WT1: variants seen among roughly 807,000 people sequenced by gnomAD.
WT1 encodes the protein WT1 transcription factor.
In WT1, 8 loss-of-function variants were observed where a neutral mutation model predicts 60.8. That is an observed-to-expected ratio of 0.13 (90% CI 0.08 to 0.24). The LOEUF is 0.24. Among genes scored for constraint, WT1 ranks in the 10% least tolerant of loss-of-function variants. The pLI is 1.00. For synonymous variants in WT1, 312 were observed against 297.1 expected, an observed-to-expected ratio of 1.05 and a Z score of -0.52; for missense variants, 568 against 711.8, an observed-to-expected ratio of 0.80 and a Z score of 2.30.
intron 3 of WT1, among the ~76,000 whole-genome samples, chr11:32,423,934 G>T (rs764528157): frequency 6.6e-6 from 1 of 152,120 alleles, no homozygotes; most frequent in Non-Finnish European, 1.5e-5. Context: ...AGGCCCAGGC[G>T]GGTGGATCAC....
chr11:32,410,785 G>A (rs1462860339), intron 5 of WT1, among the ~76,000 whole-genome samples: 1 of 152,146 alleles, frequency 6.6e-6, no homozygotes, highest in African/African-American at 2.4e-5. Context: ...AATAAAGCTA[G>A]AATAAATAAA....
At chr11:32,396,082 T>C (rs1851960341) in intron 7 of WT1, among the ~76,000 whole-genome samples, 175 bp downstream of exon 7, 1 of 152,204 alleles carries the variant, frequency 6.6e-6, no homozygotes, top group Non-Finnish European at 1.5e-5. Flanking sequence ...TAATAAAGGA[T>C]AGATAATCAG....
At chr11:32,391,215 G>C (rs1348111290) in intron 9 of WT1, among the ~76,000 whole-genome samples, 1 of 149,476 alleles carries the variant, frequency 6.7e-6, no homozygotes, top group Non-Finnish European at 1.5e-5. Context: ...GAACTCCTGG[G>C]CTCAAGTGAT....
chr11:32,431,732 T>A (rs986564566), intron 1 of WT1, among the ~76,000 whole-genome samples: 2 of 151,828 alleles, frequency 1.3e-5, no homozygotes, highest in African/African-American at 4.8e-5. Flanking sequence ...TTTTTTCCCC[T>A]CCTCCTTAAG....
intron 5 of WT1, among the ~76,000 whole-genome samples, chr11:32,404,183 T>A (rs1272748727): frequency 1.4e-5 from 2 of 145,728 alleles, no homozygotes; most frequent in African/African-American, 5.2e-5. Flanking sequence ...GGCAGGAGAA[T>A]CGCTTGAACC....
chr11:32,405,223 G>A (rs1852272281), intron 5 of WT1, among the ~76,000 whole-genome samples: 1 of 152,130 alleles, frequency 6.6e-6, no homozygotes, highest in East Asian at 1.9e-4. Flanking sequence ...AGGCAGCCAC[G>A]ACTCAGCTCT....
intron 1 of WT1, 31 bp from the exon 2 acceptor site, chr11:32,428,650 C>T: frequency 1.2e-6 from 2 of 1,606,888 alleles, no homozygotes; most frequent in African/African-American, 2.7e-5. Flanking sequence ...AGCACAGTGT[C>T]AGCGGTGCTC....
intron 1 of WT1, among the ~76,000 whole-genome samples, chr11:32,431,014 G>A (rs1853289748): frequency 6.6e-6 from 1 of 152,104 alleles, no homozygotes; most frequent in African/African-American, 2.4e-5. Context: ...AGAATCGAGT[G>A]GCCAAGGTAG....
chr11:32,421,160 C>T (rs964051902), intron 3 of WT1, among the ~76,000 whole-genome samples: 4 of 152,134 alleles, frequency 2.6e-5, no homozygotes, highest in African/African-American at 7.2e-5. Flanking sequence ...AATACTGGGC[C>T]GAAGCATGCT....
chr11:32,389,961 G>GCA (rs141716818), intron 9 of WT1, among the ~76,000 whole-genome samples: 5 of 152,120 alleles, frequency 3.3e-5, no homozygotes, highest in African/African-American at 4.8e-5. Context: ...CTTCACACAC[G>GCA]CACACACACA....
intron 5 of WT1, among the ~76,000 whole-genome samples, chr11:32,402,299 G>A (rs1852181793): frequency 6.6e-6 from 1 of 152,212 alleles, no homozygotes; most frequent in African/African-American, 2.4e-5. Context: ...CAAACCCAAA[G>A]AACATATGCC....
At chr11:32,391,174 A>G (rs1200530685) in intron 9 of WT1, among the ~76,000 whole-genome samples, 1 of 152,058 alleles carries the variant, frequency 6.6e-6, no homozygotes, top group Non-Finnish European at 1.5e-5. Context: ...TTGTAGAGAC[A>G]GGGTTTTGCC....
chr11:32,430,596 C>A, intron 1 of WT1: 1 of 1,594,274 alleles, frequency 6.3e-7, no homozygotes, highest in Non-Finnish European at 8.6e-7. Context: ...CAGAGCCCTG[C>A]TCCGCAACTG....
At chr11:32,415,193 G>GA (rs1386122242) in intron 5 of WT1, among the ~76,000 whole-genome samples, 1 of 152,164 alleles carries the variant, frequency 6.6e-6, no homozygotes, top group Non-Finnish European at 1.5e-5. Flanking sequence ...AGAAGTTTTT[G>GA]AAACTGAAAT....
At position 32,429,461 on chromosome 11, in the gene WT1, TTC is replaced by T. The variant is rs1491297184; in HGVS notation, c.662-844_662-843del. On this transcript the variant is annotated intron_variant, in intron 1 of 9. Transcript: ENST00000452863. Reference sequence around the variant, plus strand: ...GTTTCCCCCTAGGGAAATCCTAGCATTCCCCCCCCCCCCCAAAGTGAGAAAAA... The same window carrying T: ...GTTTCCCCCTAGGGAAATCCTAGCATCCCCCCCCCCCCAAAGTGAGAAAAA... Among the ~76,000 whole-genome samples the T allele has an allele frequency of 7.4e-5, 6 of 80,658 alleles. No homozygotes were observed. In the South Asian group the frequency reaches 3.1e-3, roughly 42 times the overall value. 52.9% of individuals were successfully genotyped at this position (80,658 alleles called of 152,430 possible).
chr11:32,417,022 C>CT (rs5030205), intron 4 of WT1, among the ~76,000 whole-genome samples: 23 of 151,976 alleles, frequency 1.5e-4, no homozygotes, highest in Admixed American at 9.8e-4. Context: ...CACCTGCCTT[C>CT]TTTTTTTTAT....
chr11:32,427,784 G>A (rs1054037303), intron 3 of WT1, among the ~76,000 whole-genome samples, 172 bp downstream of exon 3: 2 of 152,248 alleles, frequency 1.3e-5, no homozygotes, highest in Non-Finnish European at 2.9e-5. Context: ...AGACCAGGGA[G>A]ATCAGCTTTA....
At chr11:32,396,578 G>A (rs1439748460) in intron 6 of WT1, among the ~76,000 whole-genome samples, 171 bp from the exon 7 acceptor site, 12 of 152,178 alleles carry the variant, frequency 7.9e-5, no homozygotes, top group Non-Finnish European at 1.3e-4. Flanking sequence ...AGTAATGGAT[G>A]CTAGATCAGG....
Position 32,388,258 on chromosome 11 carries a change from T to C in WT1, c.*800A>G, listed in dbSNP as rs1390791454. ...GGACACTCCCAGTGATGAAAATGAATTCCCCTCCATTTGTGCAAGGAGGTA... is the reference window on the plus strand; with the variant it reads ...GGACACTCCCAGTGATGAAAATGAACTCCCCTCCATTTGTGCAAGGAGGTA... On this transcript the variant is annotated 3_prime_UTR_variant, in exon 10 of 10. Transcript: ENST00000452863. 1 of 233,588 alleles carries C rather than the reference T, an allele frequency of 4.3e-6. No individual in the cohort carries two copies. The highest frequency in any genetic ancestry group is 8.5e-6 in the Non-Finnish European group (1 of 118,074). The allele number at this position is 233,588 out of a possible 1,614,324, so 14.5% of individuals were successfully genotyped here. A position where few individuals can be genotyped will look rare whatever the true frequency, so the allele number is the denominator to read the frequency against.
Sources: allele counts gnomAD v4.1 joint callset (sites outside exome capture counted in the v4.1 genomes callset), GRCh38; gene constraint gnomAD v4.1.1; transcripts MANE v1.5; gene names NCBI Gene and HGNC (gene_info 2026-07-23, HGNC 2026-07-21).